The following PTPN21 variants were observed in gnomAD, a reference collection of about 807,000 sequenced individuals.
PTPN21 encodes protein tyrosine phosphatase non-receptor type 21.
In PTPN21, 77 loss-of-function variants were observed where a neutral mutation model predicts 131.8. The ratio of observed to expected loss-of-function variants is 0.58; its 90% CI spans 0.49 to 0.71. The LOEUF is 0.71. Ranked by LOEUF, PTPN21 falls within the 30% of genes least tolerant of loss-of-function variation. The pLI is 0.00. For missense variants in PTPN21, 1,552 were observed against 1,527.1 expected, an observed-to-expected ratio of 1.02 and a Z score of -0.27; for synonymous variants, 715 against 621.3, an observed-to-expected ratio of 1.15 and a Z score of -2.24.
chr14:88,511,894 TATATA>T (rs1321045850), intron 3 of PTPN21, among the ~76,000 whole-genome samples: 1 of 152,190 alleles, frequency 6.6e-6, no homozygotes. Context: ...TGACAATAAT[TATATA>T]ATAAATTAGG....
chr14:88,530,932 A>C (rs550028548), intron 2 of PTPN21, among the ~76,000 whole-genome samples: 1 of 152,286 alleles, frequency 6.6e-6, no homozygotes, highest in African/African-American at 2.4e-5. Context: ...CCCTAGAACA[A>C]ATGGATTTAA....
intron 8 of PTPN21, 114 bp downstream of exon 8, chr14:88,500,669 T>C: frequency 1.4e-6 from 1 of 724,982 alleles, no homozygotes; most frequent in East Asian, 2.5e-5. Context: ...ATTATTTCCA[T>C]TTTTTAATGA....
chr14:88,500,849 G>A lies in PTPN21; in HGVS notation c.698C>T (p.Ser233Phe), dbSNP rs759296831. The change falls in exon 8 of 19, where the codon TCC becomes TTC. Residue 233 changes from serine to phenylalanine, a missense_variant. Coordinates refer to ENST00000556564, the MANE Select transcript of PTPN21 (RefSeq NM_007039.4). ...GATACCTTCAAGACACGCTCCAATGGATATGTCACTTCCTTGGCTATCCTA... is the reference window on the plus strand; with the variant it reads ...GATACCTTCAAGACACGCTCCAATGAATATGTCACTTCCTTGGCTATCCTA... ...PAKDSQGSDI[S>F]IGACLEGIFV... 1.2e-6 allele frequency: 2 copies of A among 1,612,996 alleles called. No individual in the cohort carries two copies. Among genetic ancestry groups the A allele is most frequent in the African/African-American group, 2.7e-5 (2 of 74,874 alleles).
In PTPN21 at chr14:88,469,579, C is replaced by A. The variant is rs2077423862; in HGVS notation, c.3155G>T (p.Gly1052Val). The change falls in exon 17 of 19, where the codon GGG becomes GTG. Residue 1052 changes from glycine to valine, a missense_variant. Physicochemically the swap from Gly to Val is moderately radical, Grantham distance 109 (BLOSUM62 -3). Coordinates refer to ENST00000556564, the MANE Select transcript of PTPN21 (RefSeq NM_007039.4). This position sits in a 1 kb window ranked among gnomAD's most constrained non-coding sequence, Gnocchi z 4.3. ...GAGGTGCCAGACGGTCCTCTCTTGC[C>A]CAGTAAGGAGGTGCTTCATCTTCAG... ...TGLKMKHLLT[G>V]QERTVWHLQY... is the part of the protein sequence containing the mutation. 1 of 1,614,114 alleles carries A rather than the reference C, an allele frequency of 6.2e-7. No homozygotes were observed. The highest frequency in any genetic ancestry group is 1.3e-5 in the African/African-American group (1 of 74,998).
At chr14:88,468,347 GA>G in intron 18 of PTPN21, 82 bp from the exon 19 acceptor site, 3 of 1,378,342 alleles carry the variant, frequency 2.2e-6, no homozygotes, top group Non-Finnish European at 2.9e-6. Flanking sequence ...TGTCCTGGCA[GA>G]AACCTGGTTG....
intron 2 of PTPN21, among the ~76,000 whole-genome samples, chr14:88,524,797 C>G (rs1452988620): frequency 6.6e-6 from 1 of 151,952 alleles, no homozygotes; most frequent in Non-Finnish European, 1.5e-5. Context: ...CCCAGCTACT[C>G]AAGAGGCTAA....
At chr14:88,543,805 C>A (rs574514978) in intron 2 of PTPN21, among the ~76,000 whole-genome samples, 2 of 152,260 alleles carry the variant, frequency 1.3e-5, no homozygotes, top group African/African-American at 2.4e-5. Flanking sequence ...CAACAAAATA[C>A]CCTGGAGGTA....
intron 10 of PTPN21, among the ~76,000 whole-genome samples, chr14:88,488,103 C>T (rs190165815): frequency 1.8e-4 from 27 of 152,242 alleles, no homozygotes; most frequent in South Asian, 6.2e-4. Flanking sequence ...ACCCTGTGTT[C>T]AGTCTAGCAG....
At chr14:88,468,361 A>G (rs926973355) in intron 18 of PTPN21, 96 bp from the exon 19 acceptor site, 1 of 1,203,562 alleles carries the variant, frequency 8.3e-7, no homozygotes, top group African/African-American at 1.5e-5. Flanking sequence ...CCTGGTTGGG[A>G]GATGGACAGT....
At chr14:88,524,287 AAATAG>A (rs1484075274) in intron 2 of PTPN21, among the ~76,000 whole-genome samples, 1 of 152,182 alleles carries the variant, frequency 6.6e-6, no homozygotes, top group African/African-American at 2.4e-5. Context: ...ACATATAGAC[AAATAG>A]AATAGAGAGT....
In PTPN21 at chr14:88,469,798, G is replaced by T; in HGVS notation, c.3001-65C>A. On this transcript the variant is annotated intron_variant, in intron 16 of 18. Coordinates refer to ENST00000556564, the MANE Select transcript of PTPN21 (RefSeq NM_007039.4). This position sits in a 1 kb window ranked among gnomAD's most constrained non-coding sequence, Gnocchi z 4.3. ...CAATGGATGCCTTTCTCACATAGACGGCACATCTGAAACAGAACCACAACC... is the reference window on the plus strand; with the variant it reads ...CAATGGATGCCTTTCTCACATAGACTGCACATCTGAAACAGAACCACAACC... 6.3e-7 allele frequency: 1 copy of T among 1,597,084 alleles called. No individual in the cohort carries two copies. Among genetic ancestry groups the T allele is most frequent in the Non-Finnish European group, 8.6e-7 (1 of 1,164,948 alleles).
Position 88,528,030 on chromosome 14 carries a change from A to G in PTPN21, c.181-10769T>C, listed in dbSNP as rs149892430. On this transcript the variant is annotated intron_variant, in intron 2 of 18. Transcript: ENST00000556564. ...TGACCTATGTTTTTATACCAGTACCATGCTGTTTTGGTAACTATAGGCTTG... is the reference window on the plus strand; with the variant it reads ...TGACCTATGTTTTTATACCAGTACCGTGCTGTTTTGGTAACTATAGGCTTG... Among the ~76,000 whole-genome samples, 698 of 152,188 alleles carry G rather than the reference A, an allele frequency of 4.6e-3. 6 individuals are homozygous for G. Among genetic ancestry groups the G allele is most frequent in the African/African-American group, 0.015 (641 of 41,522 alleles).
At chr14:88,539,224 C>G (rs553649447) in intron 2 of PTPN21, among the ~76,000 whole-genome samples, 47 of 150,706 alleles carry the variant, frequency 3.1e-4, no homozygotes, top group African/African-American at 1.1e-3. Context: ...GCTGAGATTA[C>G]AGGCGACTGC....
rs528206428 is a variant in PTPN21, at chr14:88,469,135, A to T, written c.3236-59T>A. 6.5e-7 allele frequency: 1 copy of T among 1,528,732 alleles called. No individual in the cohort carries two copies. Among genetic ancestry groups the T allele is most frequent in the African/African-American group, 1.4e-5 (1 of 72,812 alleles). The allele number at this position is 1,528,732 out of a possible 1,614,324, so 94.7% of individuals were successfully genotyped here. A position where few individuals can be genotyped will look rare whatever the true frequency, so the allele number is the denominator to read the frequency against. ...AGGATCAAGGCGTATCACATTGTTG[A>T]CTCAATCTTCATATTCTCTCCACTG... is the stretch of plus-strand genomic sequence containing the variant. On this transcript the variant is annotated intron_variant, in intron 17 of 18. Coordinates refer to ENST00000556564, the MANE Select transcript of PTPN21 (RefSeq NM_007039.4). The surrounding 1 kb of genome is among the most constrained non-coding windows in gnomAD (Gnocchi z 4.3).
intron 15 of PTPN21, among the ~76,000 whole-genome samples, chr14:88,472,001 A>T (rs1311058003): frequency 6.6e-6 from 1 of 151,926 alleles, no homozygotes; most frequent in South Asian, 2.1e-4. Flanking sequence ...TCGCACATGG[A>T]GAGTAGACAT....
In PTPN21 at chr14:88,479,236, G is replaced by A. The variant is rs774781552; in HGVS notation, c.2195C>T (p.Ala732Val). Reference protein sequence around the residue: ...ESGARAPPARAREPRPGLAQD... With the variant: ...ESGARAPPARVREPRPGLAQD... ...GGCCAGGCCGGGCCGAGGCTCGCGC[G>A]CACGTGCAGGAGGCGCCCGGGCCCC... Residue 732 changes from alanine (A) to valine (V), a missense_variant, in exon 13 of 19, where the codon GCG (alanine) becomes GTG (valine). Ala to Val is a moderately conservative substitution (Grantham distance 64, BLOSUM62 0). Coordinates refer to ENST00000556564, the MANE Select transcript of PTPN21 (RefSeq NM_007039.4). The A allele has an allele frequency of 6.2e-7, 1 of 1,607,514 alleles. No individual in the cohort carries two copies. Among genetic ancestry groups the A allele is most frequent in the South Asian group, 1.1e-5 (1 of 90,570 alleles).
intron 2 of PTPN21, chr14:88,547,672 G>A (rs2078803541): frequency 2.2e-6 from 1 of 455,542 alleles, no homozygotes; most frequent in African/African-American, 2.0e-5. Flanking sequence ...ATAAATGCAA[G>A]TAAGCAGGGA....
At chr14:88,474,984 C>T (rs559989326) in intron 13 of PTPN21, among the ~76,000 whole-genome samples, 4 of 152,036 alleles carry the variant, frequency 2.6e-5, no homozygotes, top group South Asian at 2.1e-4. Context: ...CCCAGCTACT[C>T]GGGAGGCTGA....
At chr14:88,477,446 TAAAAAAAAAAAAA>T (rs59381948) in intron 13 of PTPN21, among the ~76,000 whole-genome samples, 2 of 76,362 alleles carry the variant, frequency 2.6e-5, no homozygotes, top group Admixed American at 2.2e-4. Flanking sequence ...AAGACTGTTC[TAAAAAAAAAAAAA>T]AAAAAAAAAA....
Sources: gnomAD v4.1 joint callset for allele counts (sites outside exome capture counted in the v4.1 genomes callset) on GRCh38, gnomAD v4.1.1 for gene constraint, Gnocchi (gnomAD v3.1) non-coding constraint, MANE v1.5 for transcripts, NCBI Gene and HGNC (gene_info 2026-07-23, HGNC 2026-07-21) for gene names.